Variants in FAM81B observed in about 807,000 individuals in gnomAD.
The protein encoded by FAM81B is protein FAM81B.
A neutral mutation model predicts 58.7 loss-of-function variants in FAM81B; 60 were observed. The observed-to-expected ratio is 1.02, with a 90% CI of 0.83 to 1.27. The LOEUF (loss-of-function observed/expected upper bound fraction) is 1.27. FAM81B is among the 50% of genes most tolerant of loss of function. FAM81B has a pLI of 0.00. For missense variants in FAM81B, 491 were observed against 522.0 expected (o/e 0.94, Z 0.58); for synonymous variants, 189 against 179.6 (o/e 1.05, Z -0.42).
rs1373577172 is a variant in FAM81B, at chr5:95,446,652, C to T, written c.984C>T (p.His328=). 1 of 1,611,808 alleles carries T rather than the reference C, an allele frequency of 6.2e-7. No individual in the cohort carries two copies. The highest frequency in any genetic ancestry group is 1.7e-5 in the Admixed American group (1 of 59,552). The change falls in exon 8 of 10, where the codon CAC becomes CAT. Residue 328 remains histidine (H), a synonymous_variant. Coordinates refer to ENST00000283357, the MANE Select transcript of FAM81B (RefSeq NM_152548.3). The stretch of plus-strand genomic sequence containing the variant: ...AATTTCTCAAATATAGAAAAGACCA[C>T]CTGGGCCATATAAATGAATGTCTGA... ...ENQFLKYRKD[H]LGHINECLKV...
At chr5:95,421,361 A>G (rs544679479) in intron 5 of FAM81B, among the ~76,000 whole-genome samples, 2 of 152,362 alleles carry the variant, frequency 1.3e-5, no homozygotes, top group South Asian at 4.1e-4. Flanking sequence ...TTAACTAGAC[A>G]AGGAAAAGTG....
chr5:95,429,745 C>T (rs1374576406), intron 6 of FAM81B, among the ~76,000 whole-genome samples: 1 of 152,162 alleles, frequency 6.6e-6, no homozygotes, highest in Admixed American at 6.5e-5. Context: ...TTCCAGAATA[C>T]TGTTAAATAA....
In FAM81B at chr5:95,406,038, G is replaced by A. The variant is rs141125535; in HGVS notation, c.294-7909G>A. 675 of 154,294 alleles carry A rather than the reference G, an allele frequency of 4.4e-3. 5 individuals carry two copies. Among genetic ancestry groups the A allele is most frequent in the Middle Eastern group, 0.019 (37 of 1,912 alleles). 9.6% of individuals were successfully genotyped at this position (154,294 alleles called of 1,614,324 possible). ...CACCTAGAATAGTTTGACATTTCACGGAGTCAGAACAACTGGTCCCAAGGA... is the reference window on the plus strand; with the variant it reads ...CACCTAGAATAGTTTGACATTTCACAGAGTCAGAACAACTGGTCCCAAGGA... On this transcript the variant is annotated intron_variant, in intron 3 of 9. Coordinates refer to ENST00000283357, the MANE Select transcript of FAM81B (RefSeq NM_152548.3).
chr5:95,437,872 T>C (rs958152275), intron 7 of FAM81B, among the ~76,000 whole-genome samples: 3 of 152,190 alleles, frequency 2.0e-5, no homozygotes, highest in African/African-American at 7.2e-5. Flanking sequence ...TATGCTCTTA[T>C]TCTTTTTACT....
chr5:95,413,867 G>A, intron 3 of FAM81B, 80 bp from the exon 4 acceptor site: 1 of 1,519,410 alleles, frequency 6.6e-7, no homozygotes, highest in Non-Finnish European at 8.8e-7. Context: ...GATCAGAAGT[G>A]AGGATTCTAG....
intron 4 of FAM81B, among the ~76,000 whole-genome samples, chr5:95,417,599 C>T (rs10077851): frequency 0.24 from 36,111 of 152,020 alleles, 4,579 homozygotes; most frequent in African/African-American, 0.32. Flanking sequence ...GTTGATTTGA[C>T]GAGCTCTTTT....
chr5:95,393,041 T>A, intron 2 of FAM81B, 144 bp downstream of exon 2: 1 of 665,100 alleles, frequency 1.5e-6, no homozygotes, highest in Non-Finnish European at 2.3e-6. Flanking sequence ...AAATGGCTGC[T>A]GAAAACACAA....
chr5:95,419,823 C>A (rs1762630550), intron 4 of FAM81B, among the ~76,000 whole-genome samples: 1 of 152,162 alleles, frequency 6.6e-6, no homozygotes, highest in Admixed American at 6.5e-5. Context: ...AAAATCTTGC[C>A]TGATGCAATA....
At chr5:95,437,706 A>G (rs1745161975) in intron 7 of FAM81B, among the ~76,000 whole-genome samples, 1 of 152,128 alleles carries the variant, frequency 6.6e-6, no homozygotes, top group Non-Finnish European at 1.5e-5. Context: ...CTCAATGGAG[A>G]AAGCAGTAAA....
At chr5:95,400,889 G>A (rs993344517) in intron 3 of FAM81B, among the ~76,000 whole-genome samples, 5 of 151,868 alleles carry the variant, frequency 3.3e-5, no homozygotes, top group African/African-American at 4.8e-5. Context: ...CAAGTACAGC[G>A]TTCTTTCCCC....
chr5:95,394,507 T>C (rs1461396980), intron 2 of FAM81B, among the ~76,000 whole-genome samples: 2 of 152,152 alleles, frequency 1.3e-5, no homozygotes, highest in Non-Finnish European at 2.9e-5. Context: ...GTCTCAGGAC[T>C]CAGTACTGTT....
In FAM81B at chr5:95,420,314, C is replaced by T. The variant is rs745765279; in HGVS notation, c.568C>T (p.Gln190Ter). ...ILEDQIRARD[Q>*]AATGTNFAVH... Reference sequence around the variant, plus strand: ...AGAAGACCAAATAAGAGCTCGAGATCAGGCGGCCACAGGAACTAACTTTGC... The same window carrying T: ...AGAAGACCAAATAAGAGCTCGAGATTAGGCGGCCACAGGAACTAACTTTGC... The change falls in exon 5 of 10, where the codon CAG becomes TAG. Residue 190 changes from glutamine to a stop codon, truncating the protein, a stop_gained. Coordinates refer to ENST00000283357, the MANE Select transcript of FAM81B (RefSeq NM_152548.3). LOFTEE classifies it high-confidence loss of function. 32 of 1,613,666 alleles carry T rather than the reference C, an allele frequency of 2.0e-5. No individual in the cohort carries two copies. In the South Asian group the frequency reaches 3.5e-4, roughly 18 times the overall value.
chr5:95,410,966 C>T (rs1244957148), intron 3 of FAM81B, among the ~76,000 whole-genome samples: 7 of 152,104 alleles, frequency 4.6e-5, no homozygotes, highest in East Asian at 1.9e-4. Context: ...AGAGAAAACC[C>T]GCAGCCCCTT....
chr5:95,436,857 A>C lies in FAM81B; in HGVS notation c.844A>C (p.Lys282Gln). 1 of 1,614,052 alleles carries C rather than the reference A, an allele frequency of 6.2e-7. No individual in the cohort carries two copies. The highest frequency in any genetic ancestry group is 8.5e-7 in the Non-Finnish European group (1 of 1,179,918). ...TASSEQTSNL[K>Q]MVQGDYRHEM... is the part of the protein sequence containing the mutation. ...CAGTTCTGAGCAAACCTCGAATTTA[A>C]AGATGGTCCAGGGGGATTATCGCCA... Residue 282 changes from lysine (K) to glutamine (Q), a missense_variant, in exon 7 of 10, where the codon AAG (lysine) becomes CAG (glutamine). Coordinates refer to ENST00000283357, the MANE Select transcript of FAM81B (RefSeq NM_152548.3).
At chr5:95,417,837 A>C (rs138921048) in intron 4 of FAM81B, among the ~76,000 whole-genome samples, 1 of 152,342 alleles carries the variant, frequency 6.6e-6, no homozygotes, top group East Asian at 1.9e-4. Flanking sequence ...CTTGCAGTAC[A>C]TCACTGAAAC....
chr5:95,397,092 T>A (rs1323382087), intron 3 of FAM81B: 1 of 152,236 alleles, frequency 6.6e-6, no homozygotes, highest in African/African-American at 2.4e-5. Flanking sequence ...ACAATTAAGA[T>A]GATAAGATTT....
chr5:95,442,725 T>C (rs1011329835), intron 7 of FAM81B, among the ~76,000 whole-genome samples: 5 of 152,200 alleles, frequency 3.3e-5, no homozygotes, highest in African/African-American at 1.2e-4. Flanking sequence ...TGATTTTTAG[T>C]GTCACTAATT....
intron 3 of FAM81B, among the ~76,000 whole-genome samples, chr5:95,397,857 A>G (rs898134186): frequency 2.6e-5 from 4 of 152,070 alleles, no homozygotes. Context: ...CAGGCTGCAA[A>G]CTCCCTAAAG....
chr5:95,420,391 A>ATT lies in FAM81B; in HGVS notation c.645_646insTT (p.Arg216LeufsTer3), dbSNP rs1433073122. 3 of 1,613,598 alleles carry ATT rather than the reference A, an allele frequency of 1.9e-6. No homozygotes were observed. The East Asian group carries it at 6.7e-5, about 36-fold the overall frequency. On this transcript the variant is annotated frameshift_variant, in exon 5 of 10. Transcript: ENST00000283357. LOFTEE classifies it high-confidence loss of function. ...TACAAGGAGTTGGAGATCTTCGAGG[A>ATT]AGAGTAGCCAGGTGAGAAGAAGCAT...
Sources: allele counts gnomAD v4.1 joint callset (sites outside exome capture counted in the v4.1 genomes callset), GRCh38; gene constraint gnomAD v4.1.1; transcripts MANE v1.5; gene names NCBI Gene and HGNC (gene_info 2026-07-23, HGNC 2026-07-21).